TPST1: variants seen among roughly 807,000 people sequenced by gnomAD.
The protein encoded by TPST1 is protein-tyrosine sulfotransferase 1.
In TPST1, 20 loss-of-function variants were observed where a neutral mutation model predicts 34.8. The ratio of observed to expected loss-of-function variants is 0.57; its 90% CI spans 0.40 to 0.84. The LOEUF is 0.84. Among genes scored for constraint, TPST1 ranks in the 40% least tolerant of loss-of-function variants. TPST1 has a pLI of 0.00. For missense variants in TPST1, 353 were observed against 455.5 expected (o/e 0.78, Z 2.05); for synonymous variants, 152 against 159.4 (o/e 0.95, Z 0.35).
At chr7:66,283,244 G>A (rs1053476626) in intron 2 of TPST1, among the ~76,000 whole-genome samples, 10 of 152,124 alleles carry the variant, frequency 6.6e-5, no homozygotes, top group South Asian at 2.1e-4. Flanking sequence ...CTGGGTGACA[G>A]AGCAAGAGTC....
intron 3 of TPST1, among the ~76,000 whole-genome samples, chr7:66,307,628 AC>A (rs1482245916): frequency 1.3e-5 from 2 of 151,986 alleles, no homozygotes; most frequent in Non-Finnish European, 2.9e-5. Flanking sequence ...GGCTGCCCAG[AC>A]CCCCTGGGAG....
intron 2 of TPST1, among the ~76,000 whole-genome samples, chr7:66,264,973 C>G (rs1226509347): frequency 6.6e-6 from 1 of 151,914 alleles, no homozygotes. Context: ...TTGAGAATAT[C>G]AACAAAAAGA....
chr7:66,342,661 A>C (rs537901303), intron 3 of TPST1, among the ~76,000 whole-genome samples: 3 of 152,284 alleles, frequency 2.0e-5, no homozygotes, highest in Non-Finnish European at 4.4e-5. Context: ...GCTTTCCCTT[A>C]TGGTGGAACA....
At chr7:66,206,122 GCTT>G (rs1789124378) in intron 1 of TPST1, among the ~76,000 whole-genome samples, 1 of 97,530 alleles carries the variant, frequency 1.0e-5, no homozygotes, top group African/African-American at 4.2e-5. Context: ...CGGATTCATC[GCTT>G]TTTTTTTTTT....
chr7:66,238,876 C>G (rs1789965834), intron 1 of TPST1, among the ~76,000 whole-genome samples: 1 of 152,222 alleles, frequency 6.6e-6, no homozygotes. Context: ...TACCCTTGCT[C>G]TAGCTAAACT....
chr7:66,207,588 G>A (rs1002612523), intron 1 of TPST1, among the ~76,000 whole-genome samples: 1 of 152,060 alleles, frequency 6.6e-6, no homozygotes, highest in Non-Finnish European at 1.5e-5. Context: ...GATTAACGTG[G>A]CATTCCTTAG....
chr7:66,283,557 AT>A (rs773521125), intron 2 of TPST1, among the ~76,000 whole-genome samples: 19 of 152,216 alleles, frequency 1.2e-4, no homozygotes, highest in Non-Finnish European at 2.1e-4. Context: ...AACTTTACTT[AT>A]GGATATTGAT....
chr7:66,276,365 C>CATATATATATATATATATATATATATATT lies in TPST1; in HGVS notation c.846-10130_846-10129insATATATATATATTATATATATATATATAT, dbSNP rs138862941. On this transcript the variant is annotated intron_variant, in intron 2 of 5. Coordinates refer to ENST00000304842, the MANE Select transcript of TPST1 (RefSeq NM_003596.4). ...TTCTTCTTAAATTTTAAAAACATTTCATATATATATATATATGTATTTTTT... is the reference window on the plus strand; with the variant it reads ...TTCTTCTTAAATTTTAAAAACATTTCATATATATATATATATATATATATATATTATATATATATATATATGTATTTTTT... Among the ~76,000 whole-genome samples, 2 of 90,870 alleles carry CATATATATATATATATATATATATATATT rather than the reference C, an allele frequency of 2.2e-5. 1 individual carries two copies. Among genetic ancestry groups the CATATATATATATATATATATATATATATT allele is most frequent in the Non-Finnish European group, 4.0e-5 (2 of 49,668 alleles). The allele number at this position is 90,870 out of a possible 152,430, so 59.6% of individuals were successfully genotyped here. A position where few individuals can be genotyped will look rare whatever the true frequency, so the allele number is the denominator to read the frequency against.
At chr7:66,347,394 T>C (rs1247129506) in intron 3 of TPST1, among the ~76,000 whole-genome samples, 1 of 152,168 alleles carries the variant, frequency 6.6e-6, no homozygotes, top group Non-Finnish European at 1.5e-5. Context: ...CTACTACATA[T>C]GGATATCCAG....
At chr7:66,258,126 ACTCT>A (rs769583007) in intron 2 of TPST1, among the ~76,000 whole-genome samples, 2 of 139,494 alleles carry the variant, frequency 1.4e-5, no homozygotes, top group Non-Finnish European at 3.2e-5. Flanking sequence ...CCCTTTTCTT[ACTCT>A]CTATGTCTGT....
intron 1 of TPST1, among the ~76,000 whole-genome samples, chr7:66,235,045 C>T (rs1584159186): frequency 6.6e-6 from 1 of 152,014 alleles, no homozygotes. Context: ...ATAATAGGAT[C>T]GACTCTTCTC....
In TPST1 at chr7:66,360,147, A is replaced by C; in HGVS notation, c.*282A>C. ...GAAGGAACATGTGTTTCCTGTTAAA[A>C]CTCCTCTTGTTCTCTTTTCTTACAT... On this transcript the variant is annotated 3_prime_UTR_variant, in exon 6 of 6. Transcript: ENST00000304842. 1.7e-5 allele frequency: 5 copies of C among 298,884 alleles called. No individual in the cohort carries two copies. Among genetic ancestry groups the C allele is most frequent in the East Asian group, 9.1e-5 (1 of 10,940 alleles). The allele number at this position is 298,884 out of a possible 1,614,324, so 18.5% of individuals were successfully genotyped here. A position where few individuals can be genotyped will look rare whatever the true frequency, so the allele number is the denominator to read the frequency against.
chr7:66,334,740 A>C (rs1792061460), intron 3 of TPST1, among the ~76,000 whole-genome samples: 2 of 151,986 alleles, frequency 1.3e-5, no homozygotes, highest in Non-Finnish European at 2.9e-5. Context: ...TTTTTTGTAA[A>C]ATAAGTGGTC....
At chr7:66,252,467 A>T (rs1410770825) in intron 2 of TPST1, among the ~76,000 whole-genome samples, 1 of 149,388 alleles carries the variant, frequency 6.7e-6, no homozygotes, top group African/African-American at 2.5e-5. Context: ...TCAGTCTCCC[A>T]AGTAGCAGGG....
At chr7:66,215,530 A>G (rs1197704426) in intron 1 of TPST1, among the ~76,000 whole-genome samples, 1 of 150,164 alleles carries the variant, frequency 6.7e-6, no homozygotes, top group East Asian at 2.0e-4. Context: ...GCCTGCCACC[A>G]CGCCCAGCTA....
chr7:66,199,556 A>G, the TPST1 span, among the ~76,000 whole-genome samples: 1 of 151,736 alleles, frequency 6.6e-6, no homozygotes, highest in Non-Finnish European at 1.5e-5. Flanking sequence ...CGCTTCTTGA[A>G]ATTCTGGGAT....
chr7:66,268,261 T>C (rs756664022), intron 2 of TPST1, among the ~76,000 whole-genome samples: 1 of 152,210 alleles, frequency 6.6e-6, no homozygotes, highest in Non-Finnish European at 1.5e-5. Context: ...CCAAGGTGGC[T>C]ACTTTTTAAA....
intron 1 of TPST1, among the ~76,000 whole-genome samples, chr7:66,227,916 A>T (rs1414553440): frequency 3.3e-5 from 5 of 152,202 alleles, no homozygotes; most frequent in African/African-American, 1.2e-4. Flanking sequence ...TCATAGTAAT[A>T]TATCACAGTA....
intron 4 of TPST1, among the ~76,000 whole-genome samples, chr7:66,356,078 G>C (rs1328833138): frequency 1.3e-5 from 2 of 151,956 alleles, no homozygotes; most frequent in Admixed American, 6.6e-5. Context: ...TGCACACAGA[G>C]ACACACACAC....
Sources: allele counts gnomAD v4.1 joint callset (sites outside exome capture counted in the v4.1 genomes callset), GRCh38; gene constraint gnomAD v4.1.1; transcripts MANE v1.5; gene names NCBI Gene and HGNC (gene_info 2026-07-23, HGNC 2026-07-21).